Variants in ABI3BP observed in about 807,000 individuals in gnomAD.
ABI3BP encodes the protein target of Nesh-SH3.
A neutral mutation model predicts 268.6 loss-of-function variants in ABI3BP; 216 were observed. That is an observed-to-expected ratio of 0.80 (90% CI 0.72 to 0.90). The LOEUF (loss-of-function observed/expected upper bound fraction) is 0.90, where lower values mean the gene tolerates loss of function less well. ABI3BP is among the 40% of genes least tolerant of loss of function. The pLI is 0.00. For missense variants in ABI3BP, 2,090 were observed against 2,182.4 expected (o/e 0.96, Z 0.84); for synonymous variants, 730 against 730.0 (o/e 1.00, Z 0.00).
chr3:100,816,523 A>G (rs2098051178), intron 43 of ABI3BP, 165 bp downstream of exon 43: 1 of 716,178 alleles, frequency 1.4e-6, no homozygotes, highest in Admixed American at 2.0e-5. Context: ...GTTCTCCTGG[A>G]TAGCTCTGTA....
intron 61 of ABI3BP, among the ~76,000 whole-genome samples, chr3:100,772,558 T>C (rs1296146557): frequency 1.3e-5 from 2 of 152,042 alleles, no homozygotes; most frequent in Non-Finnish European, 2.9e-5. Context: ...TAAAGATACA[T>C]ACTATAAACC....
chr3:100,894,321 TG>T (rs2046139989), intron 4 of ABI3BP, among the ~76,000 whole-genome samples: 1 of 152,164 alleles, frequency 6.6e-6, no homozygotes, highest in South Asian at 2.1e-4. Flanking sequence ...AATCTTGTCA[TG>T]TTGAGTTTGA....
rs1012493598 is a variant in ABI3BP at position 100,941,354 on chromosome 3, C to A, written c.80-14873G>T. Reference sequence around the variant, plus strand: ...GAGCACTCCCTTCATAAAGCCACACCCAAGCAATACCCATAGATCCATAAT... The same window carrying A: ...GAGCACTCCCTTCATAAAGCCACACACAAGCAATACCCATAGATCCATAAT... On this transcript the variant is annotated intron_variant, in intron 1 of 67. Transcript: ENST00000471714. 1.1e-4 allele frequency among the ~76,000 whole-genome samples: 16 copies of A among 152,028 alleles called. 1 individual carries two copies. Among genetic ancestry groups the A allele is most frequent in the Non-Finnish European group, 1.2e-4 (8 of 68,004 alleles).
chr3:100,942,702 A>T (rs1185526801), intron 1 of ABI3BP, among the ~76,000 whole-genome samples: 3 of 152,102 alleles, frequency 2.0e-5, no homozygotes, highest in African/African-American at 7.2e-5. Flanking sequence ...TGGTCTCCAG[A>T]TTAGACAATC....
At chr3:100,973,885 C>T (rs1157738076) in intron 1 of ABI3BP, among the ~76,000 whole-genome samples, 1 of 152,150 alleles carries the variant, frequency 6.6e-6, no homozygotes, top group Non-Finnish European at 1.5e-5. Flanking sequence ...CCGATTTCCA[C>T]ATATTATCTC....
At chr3:100,936,610 C>T (rs969980290) in intron 1 of ABI3BP, among the ~76,000 whole-genome samples, 1 of 151,096 alleles carries the variant, frequency 6.6e-6, no homozygotes, top group Admixed American at 6.6e-5. Context: ...TGGTCCTGGA[C>T]TTTTTTTTTG....
chr3:100,803,256 C>T (rs2097584646), intron 51 of ABI3BP, among the ~76,000 whole-genome samples: 1 of 144,678 alleles, frequency 6.9e-6, no homozygotes, highest in African/African-American at 2.5e-5. Flanking sequence ...TGTGTTGTTA[C>T]AGGGATCAAG....
Position 100,816,607 on chromosome 3 carries a change from G to A in ABI3BP, c.3229+81C>T. On this transcript the variant is annotated intron_variant, in intron 43 of 67. Coordinates refer to ENST00000471714, the MANE Select transcript of ABI3BP (RefSeq NM_001375547.2). Reference sequence around the variant, plus strand: ...TGATGACTGTTACTTCCCGTCATAGGCATTTCTTTAGGACTTTATTGGGAC... The same window carrying A: ...TGATGACTGTTACTTCCCGTCATAGACATTTCTTTAGGACTTTATTGGGAC... 3 of 1,087,782 alleles carry A rather than the reference G, an allele frequency of 2.8e-6. 1 individual carries two copies. The highest frequency in any genetic ancestry group is 5.1e-5 in the East Asian group (2 of 38,836). 67.4% of individuals were successfully genotyped at this position (1,087,782 alleles called of 1,614,324 possible).
intron 1 of ABI3BP, among the ~76,000 whole-genome samples, chr3:100,968,795 C>T (rs1309106288): frequency 6.6e-6 from 1 of 152,102 alleles, no homozygotes; most frequent in Admixed American, 6.6e-5. Flanking sequence ...ACCCATCAAC[C>T]CGTCATCTGC....
Position 100,749,501 on chromosome 3 carries a change from A to ATACC in ABI3BP, c.*990_*993dup. On this transcript the variant is annotated 3_prime_UTR_variant, in exon 68 of 68. Coordinates refer to ENST00000471714, the MANE Select transcript of ABI3BP (RefSeq NM_001375547.2). ...ATTCCCATTCCCCGCCTAAAGGACA[A>ATACC]TACCTTTTTAATAGAAATAAATGAG... The ATACC allele has an allele frequency of 5.0e-6, 2 of 396,196 alleles. No homozygotes were observed. The highest frequency in any genetic ancestry group is 8.9e-6 in the Non-Finnish European group (2 of 224,680). 24.5% of individuals were successfully genotyped at this position (396,196 alleles called of 1,614,324 possible). A position where few individuals can be genotyped will look rare whatever the true frequency, so the allele number is the denominator to read the frequency against.
At chr3:100,850,502 G>A (rs2098825315) in intron 16 of ABI3BP, among the ~76,000 whole-genome samples, 158 bp downstream of exon 16, 1 of 151,888 alleles carries the variant, frequency 6.6e-6, no homozygotes, top group Non-Finnish European at 1.5e-5. Flanking sequence ...GAACGTAAAA[G>A]ATGACTGCAT....
At chr3:100,833,917 T>G (rs1225609963) in intron 29 of ABI3BP, among the ~76,000 whole-genome samples, 1 of 152,168 alleles carries the variant, frequency 6.6e-6, no homozygotes, top group Non-Finnish European at 1.5e-5. Context: ...CACGACACCT[T>G]CCTGCCTCTG....
chr3:100,962,624 G>T (rs1448869401), intron 1 of ABI3BP, among the ~76,000 whole-genome samples: 1 of 152,080 alleles, frequency 6.6e-6, no homozygotes, highest in South Asian at 2.1e-4. Flanking sequence ...GACTTCACTA[G>T]ATTCACTAGA....
chr3:100,811,208 G>A (rs1287583277), intron 48 of ABI3BP, 22 bp downstream of exon 48: 13 of 1,529,628 alleles, frequency 8.5e-6, no homozygotes, highest in African/African-American at 1.4e-5. Flanking sequence ...AGCACCCAGG[G>A]TTGGGCTACC....
chr3:100,916,274 A>T (rs750134813), intron 2 of ABI3BP, among the ~76,000 whole-genome samples: 1 of 152,248 alleles, frequency 6.6e-6, no homozygotes, highest in African/African-American at 2.4e-5. Context: ...GCCAGGTCAC[A>T]TTAGCTCTCA....
chr3:100,933,118 A>C (rs1430416752), intron 1 of ABI3BP, among the ~76,000 whole-genome samples: 1 of 152,022 alleles, frequency 6.6e-6, no homozygotes, highest in African/African-American at 2.4e-5. Flanking sequence ...GAAAAGCTGC[A>C]AAATATTAAA....
intron 1 of ABI3BP, among the ~76,000 whole-genome samples, chr3:100,974,629 T>C (rs2085214314): frequency 6.6e-6 from 1 of 152,126 alleles, no homozygotes; most frequent in Non-Finnish European, 1.5e-5. Context: ...CAGTGGAACA[T>C]TCTAGGGAGA....
intron 1 of ABI3BP, among the ~76,000 whole-genome samples, chr3:100,943,490 C>A (rs2070530563): frequency 6.6e-6 from 1 of 152,006 alleles, no homozygotes; most frequent in Admixed American, 6.6e-5. Flanking sequence ...TCTGTGTAAC[C>A]CAAACCTTTA....
intron 9 of ABI3BP, 67 bp downstream of exon 9, chr3:100,874,774 T>A (rs2099143906): frequency 2.1e-6 from 2 of 950,002 alleles, no homozygotes; most frequent in African/African-American, 3.3e-5. Context: ...ATTCTTTGGA[T>A]TTCCTAAGAA....
Sources: gnomAD v4.1 joint callset for allele counts (sites outside exome capture counted in the v4.1 genomes callset) on GRCh38, gnomAD v4.1.1 for gene constraint, MANE v1.5 for transcripts, NCBI Gene and HGNC (gene_info 2026-07-23, HGNC 2026-07-21) for gene names.